PSME4: variants seen among roughly 807,000 people sequenced by gnomAD.
PSME4 encodes the protein proteasome activator complex subunit 4.
In PSME4, 89 loss-of-function variants were observed where a neutral mutation model predicts 253.9. That is an observed-to-expected ratio of 0.35 (90% confidence interval 0.30 to 0.42). The LOEUF is 0.42. Ranked by LOEUF, PSME4 falls within the 10% of genes least tolerant of loss-of-function variation. PSME4 has a pLI of 1.00. For missense variants in PSME4, 2,014 were observed against 2,195.2 expected (o/e 0.92, Z 1.65); for synonymous variants, 851 against 759.2 (o/e 1.12, Z -1.99).
At chr2:53,875,156 A>T (rs1371579849) in intron 42 of PSME4, among the ~76,000 whole-genome samples, 2 of 152,234 alleles carry the variant, frequency 1.3e-5, no homozygotes, top group African/African-American at 4.8e-5. Flanking sequence ...TGTGGTTATC[A>T]AATTTAAAAT....
chr2:53,947,012 C>T (rs1044993876), intron 3 of PSME4, among the ~76,000 whole-genome samples: 1 of 152,176 alleles, frequency 6.6e-6, no homozygotes, highest in Non-Finnish European at 1.5e-5. Flanking sequence ...TATTCTATTT[C>T]GTGATAAAAT....
chr2:53,908,722 G>C, intron 22 of PSME4, 62 bp downstream of exon 22: 1 of 1,468,566 alleles, frequency 6.8e-7, no homozygotes, highest in Non-Finnish European at 9.3e-7. Flanking sequence ...GCATGTTATA[G>C]ATTAAAATTC....
rs1382974624 is a variant in PSME4, at chr2:53,867,022, C to A, written c.5264-142G>T. ...AAAATGAATCTACATGTAAACACAT[C>A]AAATACTTGATTTTGAGGCTAAACT... On this transcript the variant is annotated intron_variant, in intron 44 of 46. Coordinates refer to ENST00000404125, the MANE Select transcript of PSME4 (RefSeq NM_014614.3). 5.1e-6 allele frequency: 4 copies of A among 778,980 alleles called. No individual in the cohort carries two copies. In the Admixed American group the frequency reaches 1.3e-4, roughly 25 times the overall value. 48.3% of individuals were successfully genotyped at this position (778,980 alleles called of 1,614,324 possible).
chr2:53,896,751 A>T, intron 32 of PSME4, 53 bp downstream of exon 32: 1 of 1,415,750 alleles, frequency 7.1e-7, no homozygotes, highest in Admixed American at 1.8e-5. Flanking sequence ...ATGTCAAGAA[A>T]ATTTTCTGAG....
At chr2:53,868,922 G>A (rs1326958568) in intron 44 of PSME4, among the ~76,000 whole-genome samples, 2 of 151,976 alleles carry the variant, frequency 1.3e-5, no homozygotes, top group Non-Finnish European at 2.9e-5. Context: ...TAGATTGGAA[G>A]CTCCTGCAAT....
rs759762659 is a variant in PSME4, at chr2:53,887,480, ATACTT to A, written c.4521-18_4521-14del. 4 of 1,590,506 alleles carry A rather than the reference ATACTT, an allele frequency of 2.5e-6. No homozygotes were observed. Among genetic ancestry groups the A allele is most frequent in the African/African-American group, 1.3e-5 (1 of 74,120 alleles). ...GTAGGTCAGCACACTGCAAAATAAA[ATACTT>A]AATAATAGGAAGAGGTGCCACATTA... On this transcript the variant is annotated splice_polypyrimidine_tract_variant and intron_variant, in intron 39 of 46. Coordinates refer to ENST00000404125, the MANE Select transcript of PSME4 (RefSeq NM_014614.3).
intron 1 of PSME4, among the ~76,000 whole-genome samples, chr2:53,968,990 GT>G (rs1670884327): frequency 6.6e-6 from 1 of 152,056 alleles, no homozygotes; most frequent in African/African-American, 2.4e-5. Flanking sequence ...AGCTGTTTGC[GT>G]CCCCAAAAAT....
chr2:53,884,919 C>T (rs570379633), intron 41 of PSME4, among the ~76,000 whole-genome samples: 13 of 152,240 alleles, frequency 8.5e-5, no homozygotes, highest in South Asian at 4.1e-4. Context: ...AATTTCCTAA[C>T]GACAAAATAT....
intron 43 of PSME4, chr2:53,870,278 C>T (rs1451085777): frequency 6.6e-6 from 1 of 151,976 alleles, no homozygotes; most frequent in Non-Finnish European, 1.5e-5. Flanking sequence ...TTCTTTGCTG[C>T]GTTCATTACA....
intron 27 of PSME4, among the ~76,000 whole-genome samples, chr2:53,903,283 ACTCT>A (rs140766638): frequency 2.7e-5 from 4 of 149,068 alleles, no homozygotes; most frequent in East Asian, 2.0e-4. Flanking sequence ...TCATCTAACT[ACTCT>A]CTCTCTCTCT....
chr2:53,907,961 G>GT (rs1469357928), intron 24 of PSME4: 1 of 181,600 alleles, frequency 5.5e-6, no homozygotes, highest in East Asian at 1.6e-4. Flanking sequence ...ATAATACAGG[G>GT]TAACTTTTTC....
At position 53,870,437 on chromosome 2, in the gene PSME4, A is replaced by G. The variant is rs1678816612; in HGVS notation, c.5101-899T>C. 7 of 142,638 alleles carry G rather than the reference A, an allele frequency of 4.9e-5. No homozygotes were observed. In the South Asian group the frequency reaches 1.5e-3, roughly 31 times the overall value. The allele number at this position is 142,638 out of a possible 1,614,324, so 8.8% of individuals were successfully genotyped here. On this transcript the variant is annotated intron_variant, in intron 43 of 46. Coordinates refer to ENST00000404125, the MANE Select transcript of PSME4 (RefSeq NM_014614.3). Reference sequence around the variant, plus strand: ...CACCCAGGCTGGAGTGCAGTGGCGCAGTCTCGGCTCACTGCAAGCTTTGCC... The same window carrying G: ...CACCCAGGCTGGAGTGCAGTGGCGCGGTCTCGGCTCACTGCAAGCTTTGCC...
At chr2:53,947,749 C>T (rs971405648) in intron 3 of PSME4, among the ~76,000 whole-genome samples, 1 of 151,054 alleles carries the variant, frequency 6.6e-6, no homozygotes, top group African/African-American at 2.4e-5. Flanking sequence ...GGCGTGGTGG[C>T]TCATGCCTAT....
chr2:53,923,169 A>G (rs761765801), intron 15 of PSME4, 51 bp from the exon 16 acceptor site: 37 of 1,511,740 alleles, frequency 2.4e-5, no homozygotes, highest in Non-Finnish European at 2.3e-5. Flanking sequence ...AAATATATAC[A>G]AGATTATATT....
intron 43 of PSME4, among the ~76,000 whole-genome samples, chr2:53,872,511 C>T (rs910138407): frequency 3.3e-5 from 5 of 151,792 alleles, no homozygotes; most frequent in Non-Finnish European, 5.9e-5. Flanking sequence ...AAGGCCAAGG[C>T]GGGTAGATTG....
At chr2:53,920,662 T>A (rs984863757) in intron 18 of PSME4, among the ~76,000 whole-genome samples, 1 of 152,160 alleles carries the variant, frequency 6.6e-6, no homozygotes, top group African/African-American at 2.4e-5. Flanking sequence ...CTATAGACAT[T>A]AGATAAGGAA....
chr2:53,887,427 T>G lies in PSME4; in HGVS notation c.4561A>C (p.Asn1521His). 6.2e-7 allele frequency: 1 copy of G among 1,613,904 alleles called. No individual in the cohort carries two copies. The highest frequency in any genetic ancestry group is 8.5e-7 in the Non-Finnish European group (1 of 1,179,808). Residue 1521 changes from asparagine to histidine, a missense_variant, in exon 40 of 47, where the codon AAT becomes CAT. Transcript: ENST00000404125. ...TGAGGCGATATGGTTGGTGTGGTAT[T>G]TGGCAAAGATACATCTATCATGAAT... ...YIFMIDVSLP[N>H]TTPTISPHVP...
intron 11 of PSME4, 104 bp downstream of exon 11, chr2:53,928,013 T>A: frequency 1.4e-6 from 1 of 714,778 alleles, no homozygotes; most frequent in Non-Finnish European, 2.2e-6. Flanking sequence ...TTTATTTTCA[T>A]ATTTATATTA....
In PSME4 at chr2:53,869,388, T is replaced by C. The variant is rs1553402212; in HGVS notation, c.5251A>G (p.Ile1751Val). 1.9e-6 allele frequency: 3 copies of C among 1,606,744 alleles called. No individual in the cohort carries two copies. Among genetic ancestry groups the C allele is most frequent in the South Asian group, 2.2e-5 (2 of 90,126 alleles). The change falls in exon 44 of 47, where the codon ATT (isoleucine) becomes GTT (valine). Residue 1751 changes from isoleucine to valine, a missense_variant. Transcript: ENST00000404125. ...KRDPGSVGDT[I>V]PSAELVKRHA... ...CCAGCAATGTTACCTGCAGAAGGAA[T>C]GGTATCTCCTACAGAACCAGGGTCT...
Sources: gnomAD v4.1 joint callset for allele counts (sites outside exome capture counted in the v4.1 genomes callset) on GRCh38, gnomAD v4.1.1 for gene constraint, MANE v1.5 for transcripts, NCBI Gene and HGNC (gene_info 2026-07-23, HGNC 2026-07-21) for gene names.